The following CTNNA2 variants were observed in gnomAD, a reference collection of about 807,000 sequenced individuals.
CTNNA2 encodes the protein catenin alpha-2.
A neutral mutation model predicts 101.0 loss-of-function variants in CTNNA2; 42 were observed. The ratio of observed to expected loss-of-function variants is 0.42; its 90% CI spans 0.32 to 0.54. The LOEUF is 0.54. Ranked by LOEUF, CTNNA2 falls within the 20% of genes least tolerant of loss-of-function variation. CTNNA2 has a pLI of 0.14. For synonymous variants in CTNNA2, 450 were observed against 456.4 expected, an observed-to-expected ratio of 0.99 and a Z score of 0.18; for missense variants, 871 against 1,223.1, an observed-to-expected ratio of 0.71 and a Z score of 4.29.
chr2:79,787,947 A>T (rs1304636811), intron 3 of CTNNA2, among the ~76,000 whole-genome samples: 1 of 152,076 alleles, frequency 6.6e-6, no homozygotes, highest in Non-Finnish European at 1.5e-5. Flanking sequence ...GGACATGGAC[A>T]TTTGGTAGAA....
intron 7 of CTNNA2, among the ~76,000 whole-genome samples, chr2:80,382,443 A>T (rs768876330): frequency 6.6e-6 from 1 of 152,218 alleles, no homozygotes; most frequent in African/African-American, 2.4e-5. Context: ...ATACCGTCTG[A>T]CATCGGAAAT....
At chr2:80,490,404 C>T (rs561018116) in intron 9 of CTNNA2, among the ~76,000 whole-genome samples, 5 of 151,234 alleles carry the variant, frequency 3.3e-5, no homozygotes, top group East Asian at 3.9e-4. Flanking sequence ...AGACAAAGTG[C>T]GAATGAATGA....
intron 1 of CTNNA2, among the ~76,000 whole-genome samples, chr2:79,538,206 G>C (rs1217329271): frequency 1.3e-5 from 2 of 151,326 alleles, no homozygotes; most frequent in Non-Finnish European, 2.9e-5. Flanking sequence ...CTTCTGGAAG[G>C]ATTATGCTGC....
chr2:80,580,380 T>C (rs1316268952), intron 13 of CTNNA2, among the ~76,000 whole-genome samples: 1 of 152,208 alleles, frequency 6.6e-6, no homozygotes, highest in East Asian at 1.9e-4. Context: ...CTCTACTCTT[T>C]TTAAGCAATT....
intron 4 of CTNNA2, among the ~76,000 whole-genome samples, chr2:79,424,375 A>G (rs538952151): frequency 2.0e-4 from 30 of 152,300 alleles, no homozygotes; most frequent in South Asian, 4.1e-4. Context: ...TTCTTTTTCA[A>G]GTATGAGGCC....
At chr2:79,619,170 C>A (rs1678837192) in intron 1 of CTNNA2, among the ~76,000 whole-genome samples, 1 of 152,362 alleles carries the variant, frequency 6.6e-6, no homozygotes, top group South Asian at 2.1e-4. Flanking sequence ...TGCACCACTG[C>A]ACTCCAGCCT....
chr2:80,366,191 G>A (rs1674916246), intron 7 of CTNNA2, among the ~76,000 whole-genome samples: 1 of 152,166 alleles, frequency 6.6e-6, no homozygotes, highest in African/African-American at 2.4e-5. Context: ...CAATATGTGA[G>A]TTAGAAAGGT....
chr2:80,276,796 A>T (rs1673944700), intron 7 of CTNNA2, among the ~76,000 whole-genome samples: 1 of 152,108 alleles, frequency 6.6e-6, no homozygotes, highest in African/African-American at 2.4e-5. Flanking sequence ...TTCATAAGGG[A>T]TCCACCCCCA....
intron 4 of CTNNA2, among the ~76,000 whole-genome samples, chr2:79,418,778 G>T (rs372915058): frequency 6.6e-6 from 1 of 152,020 alleles, no homozygotes; most frequent in African/African-American, 2.4e-5. Context: ...AGCACATTTG[G>T]TACTCAAATT....
intron 7 of CTNNA2, among the ~76,000 whole-genome samples, chr2:80,164,805 AT>A (rs1257294079): frequency 6.6e-6 from 1 of 151,822 alleles, no homozygotes; most frequent in African/African-American, 2.4e-5. Flanking sequence ...CTTAAAGAAT[AT>A]TTTCATTGGA....
intron 15 of CTNNA2, chr2:80,603,787 A>C (rs1558635499): frequency 3.0e-6 from 1 of 329,484 alleles, no homozygotes; most frequent in Non-Finnish European, 5.6e-6. Context: ...CAACTATAAA[A>C]TTTTCATTTC....
At chr2:79,205,767 G>A (rs1674092780) in intron 2 of CTNNA2, among the ~76,000 whole-genome samples, 1 of 152,166 alleles carries the variant, frequency 6.6e-6, no homozygotes, top group African/African-American at 2.4e-5. Context: ...GAGCATACTT[G>A]CCTATAAATA....
intron 7 of CTNNA2, among the ~76,000 whole-genome samples, chr2:80,140,841 A>T (rs1702965443): frequency 6.6e-6 from 1 of 152,048 alleles, no homozygotes; most frequent in Admixed American, 6.6e-5. Context: ...TCCCAAACTG[A>T]TTGCGAGTAG....
intron 7 of CTNNA2, among the ~76,000 whole-genome samples, chr2:80,342,338 T>C (rs1672320697): frequency 6.6e-6 from 1 of 152,132 alleles, no homozygotes; most frequent in Non-Finnish European, 1.5e-5. Context: ...TATAAGTACA[T>C]CTAAAATTAA....
At chr2:80,071,821 A>G (rs1014212036) in intron 7 of CTNNA2, among the ~76,000 whole-genome samples, 1 of 152,162 alleles carries the variant, frequency 6.6e-6, no homozygotes, top group African/African-American at 2.4e-5. Context: ...TTTGGTGGCA[A>G]AGGTGGTACC....
At chr2:79,445,183 G>A (rs1678819724) in intron 4 of CTNNA2, among the ~76,000 whole-genome samples, 1 of 152,134 alleles carries the variant, frequency 6.6e-6, no homozygotes, top group African/African-American at 2.4e-5. Flanking sequence ...TTTCTGGAGA[G>A]TAAGGAGTTT....
At position 79,350,921 on chromosome 2, in the gene CTNNA2, C is replaced by T. The variant is rs140939556; in HGVS notation, c.-317-22910C>T. ...GGGCATGTTTTAATATATTTGTTGG[C>T]CACTTGTATGTCTTCTTTTGAGAAA... On this transcript the variant is annotated intron_variant, in intron 3 of 21. Transcript: ENST00000466387. Among the ~76,000 whole-genome samples the T allele has an allele frequency of 7.2e-5, 11 of 152,232 alleles. No individual in the cohort carries two copies. In the East Asian group the frequency reaches 2.1e-3, roughly 29 times the overall value.
intron 9 of CTNNA2, among the ~76,000 whole-genome samples, chr2:80,454,913 G>A (rs1473829392): frequency 2.0e-5 from 3 of 152,234 alleles, no homozygotes; most frequent in African/African-American, 7.2e-5. Flanking sequence ...CCAAAGGTCA[G>A]AAGGAAAACA....
chr2:80,017,638 T>G (rs1022660779), intron 7 of CTNNA2, among the ~76,000 whole-genome samples: 3 of 152,090 alleles, frequency 2.0e-5, no homozygotes, highest in Admixed American at 1.3e-4. Context: ...GATTTATAAG[T>G]CTTCCCAGGG....
Sources: gnomAD v4.1 joint callset for allele counts (sites outside exome capture counted in the v4.1 genomes callset) on GRCh38, gnomAD v4.1.1 for gene constraint, MANE v1.5 for transcripts, NCBI Gene and HGNC (gene_info 2026-07-23, HGNC 2026-07-21) for gene names.